Variants in SGCZ observed in about 807,000 individuals in gnomAD.
The protein encoded by SGCZ is zeta-sarcoglycan.
SGCZ carries 40 observed loss-of-function variants against 41.3 expected under a neutral mutation model. That is an observed-to-expected ratio of 0.97 (90% CI 0.75 to 1.26). SGCZ has a LOEUF of 1.26. SGCZ is among the 50% of genes most tolerant of loss of function. The pLI, the probability that SGCZ is intolerant of heterozygous loss-of-function variation, is 0.00. For synonymous variants in SGCZ, 206 were observed against 137.5 expected (o/e 1.50, Z -3.49); for missense variants, 552 against 369.8 (o/e 1.49, Z -4.04).
intron 2 of SGCZ, among the ~76,000 whole-genome samples, chr8:14,441,857 T>G (rs949602683): frequency 6.6e-6 from 1 of 152,212 alleles, no homozygotes; most frequent in Non-Finnish European, 1.5e-5. Flanking sequence ...TATTCTGACC[T>G]GACACTGAGA....
chr8:15,147,480 G>A (rs1201999973), intron 1 of SGCZ, among the ~76,000 whole-genome samples: 1 of 152,118 alleles, frequency 6.6e-6, no homozygotes, highest in Admixed American at 6.5e-5. Flanking sequence ...GATTCTCCAT[G>A]TTCGTCAGGC....
At chr8:15,063,315 T>G (rs1351696056) in intron 1 of SGCZ, among the ~76,000 whole-genome samples, 1 of 152,154 alleles carries the variant, frequency 6.6e-6, no homozygotes, top group Non-Finnish European at 1.5e-5. Flanking sequence ...GGAATGTGAT[T>G]GGTTAATGAT....
chr8:14,446,550 A>G (rs957404126), intron 2 of SGCZ, among the ~76,000 whole-genome samples: 1 of 152,212 alleles, frequency 6.6e-6, no homozygotes, highest in Non-Finnish European at 1.5e-5. Context: ...GTTTTCCATA[A>G]CAATACTAAG....
chr8:14,649,049 G>A (rs776282820), intron 1 of SGCZ, among the ~76,000 whole-genome samples: 2 of 151,974 alleles, frequency 1.3e-5, no homozygotes, highest in African/African-American at 2.4e-5. Flanking sequence ...TTAAAATCAC[G>A]TGTTACATAA....
intron 1 of SGCZ, among the ~76,000 whole-genome samples, chr8:14,893,789 C>A (rs1805104560): frequency 6.6e-6 from 1 of 152,154 alleles, no homozygotes; most frequent in Admixed American, 6.5e-5. Flanking sequence ...TTTATGTCCC[C>A]ATTTTTGTTA....
At chr8:14,360,172 A>G (rs528703558) in intron 2 of SGCZ, among the ~76,000 whole-genome samples, 55 of 152,230 alleles carry the variant, frequency 3.6e-4, no homozygotes, top group Non-Finnish European at 7.1e-4. Flanking sequence ...AATGGAAAAA[A>G]CTGGAAGCCC....
intron 1 of SGCZ, among the ~76,000 whole-genome samples, chr8:14,876,128 G>A (rs1804348773): frequency 6.6e-6 from 1 of 152,084 alleles, no homozygotes; most frequent in African/African-American, 2.4e-5. Context: ...ACAATAGAGA[G>A]ATCGGACTGC....
chr8:15,015,726 CGTGTGTGTGTGTGTGTGTGTGTGTGT>C (rs60624490), intron 1 of SGCZ, among the ~76,000 whole-genome samples: 1 of 125,146 alleles, frequency 8.0e-6, no homozygotes, highest in African/African-American at 2.9e-5. Flanking sequence ...GAAATATACA[CGTGTGTGTGTGTGTGTGTGTGTGTGT>C]GTGTGTGTGT....
chr8:15,168,535 T>C (rs190275989), intron 1 of SGCZ, among the ~76,000 whole-genome samples: 96 of 152,020 alleles, frequency 6.3e-4, no homozygotes, highest in Admixed American at 1.4e-3. Context: ...CCAAGGTCGC[T>C]GGAACTCGGG....
At chr8:14,445,535 C>A (rs1290999673) in intron 2 of SGCZ, among the ~76,000 whole-genome samples, 1 of 152,054 alleles carries the variant, frequency 6.6e-6, no homozygotes. Context: ...CTACTTACCC[C>A]ACCTGCCCCC....
chr8:14,186,349 C>G (rs1411750386), intron 4 of SGCZ, among the ~76,000 whole-genome samples: 1 of 152,222 alleles, frequency 6.6e-6, no homozygotes, highest in African/African-American at 2.4e-5. Context: ...CTATTTCCTT[C>G]CCACCCCATC....
At chr8:14,359,135 A>C (rs1803410831) in intron 2 of SGCZ, among the ~76,000 whole-genome samples, 1 of 152,158 alleles carries the variant, frequency 6.6e-6, no homozygotes, top group African/African-American at 2.4e-5. Context: ...AAGTACAAGA[A>C]GACTATAGAA....
At chr8:14,384,080 G>C (rs1450780401) in intron 2 of SGCZ, among the ~76,000 whole-genome samples, 1 of 151,474 alleles carries the variant, frequency 6.6e-6, no homozygotes, top group African/African-American at 2.4e-5. Flanking sequence ...TCGTCATTTA[G>C]CATTAGGTAT....
At chr8:14,311,527 A>G (rs2116999566) in intron 3 of SGCZ, among the ~76,000 whole-genome samples, 1 of 152,274 alleles carries the variant, frequency 6.6e-6, no homozygotes, top group East Asian at 1.9e-4. Context: ...TTTTTGGATC[A>G]CATAATCTCC....
intron 1 of SGCZ, among the ~76,000 whole-genome samples, chr8:14,563,114 G>A (rs75944887): frequency 0.027 from 4,082 of 152,226 alleles, 152 homozygotes; most frequent in African/African-American, 0.088. Flanking sequence ...GTCTGGCTCC[G>A]GGACAAGTGG....
chr8:14,647,636 G>C (rs970808327), intron 1 of SGCZ, among the ~76,000 whole-genome samples: 7 of 151,922 alleles, frequency 4.6e-5, no homozygotes, highest in African/African-American at 1.7e-4. Context: ...TTAAAACATA[G>C]AATAAATTAG....
chr8:14,342,958 G>A (rs6983191), intron 2 of SGCZ, among the ~76,000 whole-genome samples: 6,787 of 152,148 alleles, frequency 0.045, 505 homozygotes, highest in African/African-American at 0.15. Flanking sequence ...TGTGTGTGCA[G>A]CCTAGGGATT....
chr8:14,938,608 T>C (rs1800162678), intron 1 of SGCZ, among the ~76,000 whole-genome samples: 1 of 152,156 alleles, frequency 6.6e-6, no homozygotes, highest in South Asian at 2.1e-4. Context: ...GTCAACAGTA[T>C]GCTATTAGTA....
chr8:15,029,210 A>G (rs1803567494), intron 1 of SGCZ, among the ~76,000 whole-genome samples: 2 of 152,094 alleles, frequency 1.3e-5, no homozygotes, highest in Admixed American at 1.3e-4. Flanking sequence ...GTGCTTTGGT[A>G]CCCTACTTTA....
Sources: gnomAD v4.1 joint callset for allele counts (sites outside exome capture counted in the v4.1 genomes callset) on GRCh38, gnomAD v4.1.1 for gene constraint, MANE v1.5 for transcripts, NCBI Gene and HGNC (gene_info 2026-07-23, HGNC 2026-07-21) for gene names.